LOC128706665: variants seen among roughly 807,000 people sequenced by gnomAD.
chr20:10,416,315 GATTATAGGT>G, the LOC128706665 span, among the ~76,000 whole-genome samples: 205 of 152,238 alleles, frequency 1.3e-3, 4 homozygotes, highest in East Asian at 0.031. Context: ...CAAAAAGAAT[GATTATAGGT>G]ATGAGGTAAG....
At chr20:10,415,831 C>A in the LOC128706665 span, among the ~76,000 whole-genome samples, 1 of 152,000 alleles carries the variant, frequency 6.6e-6, no homozygotes, top group Non-Finnish European at 1.5e-5. Context: ...GTAGTGAGAC[C>A]AGTACACATA....
chr20:10,433,148 C>T, the LOC128706665 span, among the ~76,000 whole-genome samples: 2 of 152,254 alleles, frequency 1.3e-5, no homozygotes, highest in South Asian at 4.1e-4. Context: ...GGATTACAGG[C>T]GTGCGCCACT....
chr20:10,416,356 G>A, the LOC128706665 span, among the ~76,000 whole-genome samples: 1 of 152,090 alleles, frequency 6.6e-6, no homozygotes, highest in Non-Finnish European at 1.5e-5. Context: ...GTAAGCTGGG[G>A]TCCTTTTCTG....
the LOC128706665 span, among the ~76,000 whole-genome samples, chr20:10,432,718 C>A: frequency 7.0e-6 from 1 of 142,854 alleles, no homozygotes; most frequent in African/African-American, 2.5e-5. Context: ...ATTGCTTGAA[C>A]CCGGGAGGCG....
chr20:10,434,124 G>C, the LOC128706665 span: 3 of 148,394 alleles, frequency 2.0e-5, no homozygotes, highest in Admixed American at 2.0e-4. Context: ...ACCAGCCGTC[G>C]CGCCGCCCCA....
chr20:10,426,690 C>T, the LOC128706665 span, among the ~76,000 whole-genome samples: 35 of 152,196 alleles, frequency 2.3e-4, no homozygotes, highest in African/African-American at 6.3e-4. Context: ...GAGCCATGCA[C>T]GCCCCGTGGC....
chr20:10,430,724 A>G, the LOC128706665 span, among the ~76,000 whole-genome samples: 3 of 152,338 alleles, frequency 2.0e-5, no homozygotes, highest in South Asian at 2.1e-4. Flanking sequence ...TCAAGCTTCT[A>G]AAGTGAGAGC....
At chr20:10,426,446 C>A in the LOC128706665 span, among the ~76,000 whole-genome samples, 1 of 152,208 alleles carries the variant, frequency 6.6e-6, no homozygotes, top group South Asian at 2.1e-4. Flanking sequence ...CACTCTGTTG[C>A]CCAAGGGGGA....
At chr20:10,427,587 C>T in the LOC128706665 span, among the ~76,000 whole-genome samples, 1 of 151,996 alleles carries the variant, frequency 6.6e-6, no homozygotes, top group African/African-American at 2.4e-5. Flanking sequence ...ATTTTTTATC[C>T]TCAATTTTTA....
the LOC128706665 span, among the ~76,000 whole-genome samples, chr20:10,433,195 C>T: frequency 6.6e-6 from 1 of 152,296 alleles, no homozygotes; most frequent in Admixed American, 6.5e-5. Flanking sequence ...TAGCAGAGAC[C>T]GGGTTTCGCC....
chr20:10,421,945 G>T, the LOC128706665 span, among the ~76,000 whole-genome samples: 2 of 151,840 alleles, frequency 1.3e-5, no homozygotes, highest in Admixed American at 6.6e-5. Context: ...CTATGAACTT[G>T]GCTCAATTGC....
the LOC128706665 span, among the ~76,000 whole-genome samples, chr20:10,415,136 C>T: frequency 6.6e-6 from 1 of 152,178 alleles, no homozygotes; most frequent in Non-Finnish European, 1.5e-5. Flanking sequence ...ATTCCTGACA[C>T]ATTAATAATA....
chr20:10,414,617 A>T, the LOC128706665 span, among the ~76,000 whole-genome samples: 1 of 152,170 alleles, frequency 6.6e-6, no homozygotes, highest in South Asian at 2.1e-4. Context: ...CAACATGAAG[A>T]TTTAATATTA....
chr20:10,433,805 A>C, the LOC128706665 span, among the ~76,000 whole-genome samples: 1 of 152,144 alleles, frequency 6.6e-6, no homozygotes, highest in African/African-American at 2.4e-5. Flanking sequence ...TCGGCGTAGA[A>C]GGCGGCAGCG....
At chr20:10,424,821 G>A in the LOC128706665 span, among the ~76,000 whole-genome samples, 1 of 152,102 alleles carries the variant, frequency 6.6e-6, no homozygotes, top group African/African-American at 2.4e-5. Context: ...GGAGGCCGAG[G>A]CAGGTGGATC....
chr20:10,430,107 T>G, the LOC128706665 span, among the ~76,000 whole-genome samples: 1 of 152,258 alleles, frequency 6.6e-6, no homozygotes, highest in Non-Finnish European at 1.5e-5. Context: ...GTGACATTTT[T>G]GACTAGAGTG....
At chr20:10,415,325 A>G in the LOC128706665 span, among the ~76,000 whole-genome samples, 1 of 152,244 alleles carries the variant, frequency 6.6e-6, no homozygotes, top group Non-Finnish European at 1.5e-5. Context: ...AAAGTAGGCT[A>G]CAGCATAGTA....
the LOC128706665 span, among the ~76,000 whole-genome samples, chr20:10,428,754 G>T: frequency 6.6e-6 from 1 of 152,134 alleles, no homozygotes; most frequent in Non-Finnish European, 1.5e-5. Flanking sequence ...CAGGAGAATC[G>T]CTTGAATCCA....
the LOC128706665 span, among the ~76,000 whole-genome samples, chr20:10,425,873 A>G: frequency 6.6e-6 from 1 of 152,214 alleles, no homozygotes; most frequent in African/African-American, 2.4e-5. Flanking sequence ...TTCTTTAAAC[A>G]TATTTCTAAA....
Sources: allele counts gnomAD v4.1 joint callset (sites outside exome capture counted in the v4.1 genomes callset), GRCh38; gene constraint gnomAD v4.1.1; transcripts MANE v1.5.